The following POU6F2 variants were observed in gnomAD, a reference collection of about 807,000 sequenced individuals.
POU6F2 encodes POU domain, class 6, transcription factor 2.
Under a neutral mutation model 71.3 loss-of-function variants are expected in POU6F2, and 31 were observed. That is an observed-to-expected ratio of 0.43 (90% CI 0.33 to 0.59). POU6F2 has a LOEUF of 0.59. Among genes scored for constraint, POU6F2 ranks in the 20% least tolerant of loss-of-function variants. POU6F2 has a pLI of 0.04. For synonymous variants in POU6F2, 347 were observed against 355.7 expected (o/e 0.98, Z 0.27); for missense variants, 783 against 856.8 (o/e 0.91, Z 1.07).
At chr7:39,182,499 T>G (rs548762041) in intron 2 of POU6F2, among the ~76,000 whole-genome samples, 1 of 152,280 alleles carries the variant, frequency 6.6e-6, no homozygotes, top group South Asian at 2.1e-4. Context: ...TTTTAAGTAC[T>G]TAGTACTTGT....
chr7:39,023,374 C>T (rs1268395578), intron 1 of POU6F2, among the ~76,000 whole-genome samples: 2 of 151,932 alleles, frequency 1.3e-5, no homozygotes, highest in Non-Finnish European at 2.9e-5. Flanking sequence ...GTTGTTTGTG[C>T]TTTCAGTATC....
intron 6 of POU6F2, among the ~76,000 whole-genome samples, chr7:39,407,287 C>A (rs1787455352): frequency 6.6e-6 from 1 of 151,828 alleles, no homozygotes; most frequent in African/African-American, 2.4e-5. Flanking sequence ...GCCCCATGGT[C>A]CCTGGCCTCC....
At chr7:39,285,104 G>A (rs1784629893) in intron 4 of POU6F2, among the ~76,000 whole-genome samples, 1 of 152,172 alleles carries the variant, frequency 6.6e-6, no homozygotes, top group African/African-American at 2.4e-5. Context: ...GCCAGAAAGC[G>A]ACAAATCCTG....
chr7:39,155,381 C>T (rs1371776928), intron 2 of POU6F2, among the ~76,000 whole-genome samples: 1 of 151,934 alleles, frequency 6.6e-6, no homozygotes, highest in Non-Finnish European at 1.5e-5. Context: ...ATCTTTTTCA[C>T]TATAGCCAGG....
At chr7:39,449,156 C>A (rs1375014975) in intron 7 of POU6F2, among the ~76,000 whole-genome samples, 16 of 152,196 alleles carry the variant, frequency 1.1e-4, no homozygotes, top group African/African-American at 3.6e-4. Context: ...CTGTAGGAGG[C>A]ACAAGGTGGT....
chr7:39,136,012 A>G (rs1256983398), intron 2 of POU6F2, among the ~76,000 whole-genome samples: 1 of 152,222 alleles, frequency 6.6e-6, no homozygotes, highest in African/African-American at 2.4e-5. Flanking sequence ...TATAGTAGCA[A>G]CTACAACTAT....
At chr7:39,324,818 T>C (rs7802044) in intron 4 of POU6F2, among the ~76,000 whole-genome samples, 5,184 of 152,280 alleles carry the variant, frequency 0.034, 266 homozygotes, top group African/African-American at 0.12. Context: ...GATTCTATTT[T>C]TGATGACCCT....
chr7:39,229,221 A>C (rs1350813916), intron 4 of POU6F2, among the ~76,000 whole-genome samples: 1 of 152,208 alleles, frequency 6.6e-6, no homozygotes, highest in East Asian at 1.9e-4. Context: ...AGAAAACAAT[A>C]GGGCAGCATT....
chr7:39,467,471 ATAAAAGCCACTT>A lies in POU6F2; in HGVS notation c.*2787_*2798del, dbSNP rs1789098228. The stretch of plus-strand genomic sequence containing the variant: ...AGGTTAAGGTTGCCACCCACAAAAA[ATAAAAGCCACTT>A]TGGGCATATGTGATTGTATTTCAAG... On this transcript the variant is annotated 3_prime_UTR_variant, in exon 10 of 10. Transcript: ENST00000518318. 6.6e-6 allele frequency: 1 copy of A among 152,238 alleles called. No homozygotes were observed. Among genetic ancestry groups the A allele is most frequent in the Non-Finnish European group, 1.5e-5 (1 of 68,046 alleles). 9.4% of individuals were successfully genotyped at this position (152,238 alleles called of 1,614,324 possible). A position where few individuals can be genotyped will look rare whatever the true frequency, so the allele number is the denominator to read the frequency against.
intron 1 of POU6F2, among the ~76,000 whole-genome samples, chr7:38,986,253 C>T (rs1788461528): frequency 6.6e-6 from 1 of 152,026 alleles, no homozygotes; most frequent in Non-Finnish European, 1.5e-5. Flanking sequence ...GAGATGAGGT[C>T]TTGCCATGTT....
At chr7:39,252,205 C>G (rs1200878189) in intron 4 of POU6F2, among the ~76,000 whole-genome samples, 1 of 152,050 alleles carries the variant, frequency 6.6e-6, no homozygotes, top group Non-Finnish European at 1.5e-5. Context: ...AGGAGGACCA[C>G]TCATCACTGG....
At chr7:39,076,383 G>C (rs971097031) in intron 1 of POU6F2, among the ~76,000 whole-genome samples, 2 of 152,122 alleles carry the variant, frequency 1.3e-5, no homozygotes, top group Admixed American at 1.3e-4. Flanking sequence ...AAACATCTCA[G>C]CTGTAGGGTC....
At chr7:39,120,064 T>C (rs562995137) in intron 2 of POU6F2, among the ~76,000 whole-genome samples, 3 of 152,358 alleles carry the variant, frequency 2.0e-5, no homozygotes, top group East Asian at 1.9e-4. Context: ...TGTAAGAGTT[T>C]CACAAATATC....
chr7:39,292,039 A>G (rs927690605), intron 4 of POU6F2, among the ~76,000 whole-genome samples: 6 of 46,188 alleles, frequency 1.3e-4, no homozygotes, highest in Admixed American at 3.8e-4. Context: ...AGAAGGGGGA[A>G]AAAAACTGAG....
chr7:39,412,914 C>T (rs779237961), intron 6 of POU6F2, among the ~76,000 whole-genome samples: 1 of 148,354 alleles, frequency 6.7e-6, no homozygotes, highest in Admixed American at 6.8e-5. Context: ...CATTCTCCTG[C>T]CTCATCCTCC....
At chr7:38,984,407 T>C (rs1788409531) in intron 1 of POU6F2, 1 of 152,068 alleles carries the variant, frequency 6.6e-6, no homozygotes, top group South Asian at 2.1e-4. Context: ...GAAAGGGCAC[T>C]GGAAAGAGAG....
At chr7:39,039,892 G>T (rs1222041127) in intron 1 of POU6F2, among the ~76,000 whole-genome samples, 1 of 147,158 alleles carries the variant, frequency 6.8e-6, no homozygotes, top group East Asian at 2.0e-4. Flanking sequence ...ATTAGGTATA[G>T]AGCTTGATGC....
intron 5 of POU6F2, among the ~76,000 whole-genome samples, chr7:39,402,098 ATTCTT>A: frequency 6.6e-6 from 1 of 152,372 alleles, no homozygotes; most frequent in Non-Finnish European, 1.5e-5. Context: ...AGGAAACTGA[ATTCTT>A]TTCAGGATAC....
At chr7:39,119,557 A>G (rs1360482711) in intron 2 of POU6F2, among the ~76,000 whole-genome samples, 2 of 152,176 alleles carry the variant, frequency 1.3e-5, no homozygotes, top group East Asian at 1.9e-4. Context: ...AGAGAAAGCT[A>G]TAAATAGTGG....
Sources: gnomAD v4.1 joint callset for allele counts (sites outside exome capture counted in the v4.1 genomes callset) on GRCh38, gnomAD v4.1.1 for gene constraint, MANE v1.5 for transcripts, NCBI Gene and HGNC (gene_info 2026-07-23, HGNC 2026-07-21) for gene names.